The following DAPK1 variants were observed in gnomAD, a reference collection of about 807,000 sequenced individuals.
DAPK1 encodes the protein death associated protein kinase 1.
Under a neutral mutation model 144.9 loss-of-function variants are expected in DAPK1, and 56 were observed. The ratio of observed to expected loss-of-function variants is 0.39; its 90% CI spans 0.31 to 0.48. The LOEUF (loss-of-function observed/expected upper bound fraction) is 0.48. Ranked by LOEUF, DAPK1 falls within the 20% of genes least tolerant of loss-of-function variation. DAPK1 has a pLI of 0.95. For synonymous variants in DAPK1, 690 were observed against 749.0 expected (o/e 0.92, Z 1.29); for missense variants, 1,454 against 1,875.4 (o/e 0.78, Z 4.15).
chr9:87,574,389 C>G (rs1430378614), intron 2 of DAPK1, among the ~76,000 whole-genome samples: 5 of 152,196 alleles, frequency 3.3e-5, no homozygotes, highest in Non-Finnish European at 5.9e-5. Flanking sequence ...TAAGGTCATT[C>G]AAACCTAGGT....
At chr9:87,564,393 A>G (rs1047181341) in intron 2 of DAPK1, among the ~76,000 whole-genome samples, 1 of 152,220 alleles carries the variant, frequency 6.6e-6, no homozygotes, top group Non-Finnish European at 1.5e-5. Context: ...TAACTGGGAA[A>G]TGAGGGTTTC....
chr9:87,582,222 C>A (rs909501244), intron 2 of DAPK1, among the ~76,000 whole-genome samples: 1 of 151,936 alleles, frequency 6.6e-6, no homozygotes, highest in African/African-American at 2.4e-5. Flanking sequence ...ATTTTGGCTT[C>A]TTTTCTGATT....
chr9:87,698,754 T>C lies in DAPK1; in HGVS notation c.2710T>C (p.Tyr904His). 6.2e-7 allele frequency: 1 copy of C among 1,607,418 alleles called. No homozygotes were observed. The highest frequency in any genetic ancestry group is 8.5e-7 in the Non-Finnish European group (1 of 1,173,884). Residue 904 changes from tyrosine to histidine, a missense_variant, in exon 23 of 26, where the codon TAT (tyrosine) becomes CAT (histidine). Coordinates refer to ENST00000408954, the MANE Select transcript of DAPK1 (RefSeq NM_004938.4). ...TCGACCGGCTGGAGGCGAGTTTGGA[T>C]ATGACAAAGACACATCGTTGCTGAA... ...VPRPAGGEFGYDKDTSLLKEI... is the reference protein window; with the variant it reads ...VPRPAGGEFGHDKDTSLLKEI...
intron 2 of DAPK1, among the ~76,000 whole-genome samples, chr9:87,526,183 T>C (rs1825501445): frequency 6.6e-6 from 1 of 152,086 alleles, no homozygotes; most frequent in South Asian, 2.1e-4. Flanking sequence ...AAGGTATAGT[T>C]TGTGTTCAGT....
intron 2 of DAPK1, among the ~76,000 whole-genome samples, chr9:87,575,103 C>G (rs2118776746): frequency 6.6e-6 from 1 of 151,724 alleles, no homozygotes; most frequent in East Asian, 1.9e-4. Context: ...ATCTGTAGTC[C>G]TAGCTACTCG....
At chr9:87,612,961 G>A (rs1828978348) in intron 3 of DAPK1, among the ~76,000 whole-genome samples, 1 of 152,174 alleles carries the variant, frequency 6.6e-6, no homozygotes, top group Non-Finnish European at 1.5e-5. Context: ...GTATTGGCAT[G>A]GTGGATTGTT....
At chr9:87,695,836 T>C (rs527893062) in intron 21 of DAPK1, among the ~76,000 whole-genome samples, 7 of 152,318 alleles carry the variant, frequency 4.6e-5, no homozygotes, top group East Asian at 1.9e-4. Flanking sequence ...CGTTCCAAAA[T>C]TCATGTATAT....
chr9:87,582,376 T>A (rs1827781131), intron 2 of DAPK1, among the ~76,000 whole-genome samples: 1 of 152,162 alleles, frequency 6.6e-6, no homozygotes, highest in Non-Finnish European at 1.5e-5. Flanking sequence ...AGCTTAGTAA[T>A]GGTTGACATT....
chr9:87,629,420 A>T (rs1327156575), intron 3 of DAPK1, among the ~76,000 whole-genome samples: 5 of 152,234 alleles, frequency 3.3e-5, no homozygotes, highest in Non-Finnish European at 1.5e-5. Context: ...TGGACTTGTA[A>T]CCTGAAATTT....
chr9:87,630,183 T>C (rs1301177026), intron 3 of DAPK1, among the ~76,000 whole-genome samples: 1 of 152,212 alleles, frequency 6.6e-6, no homozygotes, highest in East Asian at 1.9e-4. Context: ...ATTGTCATGA[T>C]TAAAGCCTAA....
chr9:87,633,265 A>G (rs1175803087), intron 3 of DAPK1: 5 of 984,226 alleles, frequency 5.1e-6, no homozygotes, highest in Non-Finnish European at 6.0e-6. Context: ...AAATGAAGGA[A>G]ATGTAGGGAT....
intron 3 of DAPK1, among the ~76,000 whole-genome samples, chr9:87,618,476 A>C (rs1481100376): frequency 6.6e-6 from 1 of 152,254 alleles, no homozygotes; most frequent in Non-Finnish European, 1.5e-5. Context: ...GAAAACTTAC[A>C]CATGAAAGTG....
Position 87,541,669 on chromosome 9 carries a change from T to A in DAPK1, c.62+42530T>A, listed in dbSNP as rs1408945034. ...ACACTCTAGTCAACCAATGGAGAAATGCAGAGGAGGAAATGTGAGACTTAT... is the reference window on the plus strand; with the variant it reads ...ACACTCTAGTCAACCAATGGAGAAAAGCAGAGGAGGAAATGTGAGACTTAT... On this transcript the variant is annotated intron_variant, in intron 2 of 25. Transcript: ENST00000408954. Among the ~76,000 whole-genome samples, 3 of 151,894 alleles carry A rather than the reference T, an allele frequency of 2.0e-5. No homozygotes were observed. The East Asian group carries it at 5.8e-4, about 29-fold the overall frequency.
intron 2 of DAPK1, among the ~76,000 whole-genome samples, chr9:87,508,990 T>G (rs563661894): frequency 6.6e-6 from 1 of 152,354 alleles, no homozygotes; most frequent in South Asian, 2.1e-4. Flanking sequence ...CGAAATTGTT[T>G]TGCCTCCTCT....
intron 3 of DAPK1, among the ~76,000 whole-genome samples, chr9:87,635,189 A>G (rs545785655): frequency 1.3e-5 from 2 of 152,046 alleles, no homozygotes; most frequent in African/African-American, 4.8e-5. Flanking sequence ...AGCTGGCCAG[A>G]GAAGAGCGGG....
chr9:87,546,002 T>C (rs905405603), intron 2 of DAPK1, among the ~76,000 whole-genome samples: 1 of 152,148 alleles, frequency 6.6e-6, no homozygotes, highest in Non-Finnish European at 1.5e-5. Context: ...GTTTTTGCAG[T>C]ACAGATTCTC....
intron 2 of DAPK1, among the ~76,000 whole-genome samples, chr9:87,521,617 C>T (rs933188685): frequency 4.6e-5 from 7 of 152,180 alleles, no homozygotes; most frequent in African/African-American, 1.7e-4. Context: ...CACTGTGGTA[C>T]AAAGAAGAGG....
intron 3 of DAPK1, among the ~76,000 whole-genome samples, chr9:87,622,593 T>G (rs1829338440): frequency 6.6e-6 from 1 of 152,168 alleles, no homozygotes; most frequent in Non-Finnish European, 1.5e-5. Context: ...CCTCCTTATA[T>G]TCCACATAAT....
chr9:87,696,995 C>A lies in DAPK1; in HGVS notation c.2414-12C>A. The stretch of plus-strand genomic sequence containing the variant: ...GTGTTTCACGATTGTTATCATTTTT[C>A]TTTTTCTGTAGGAGTTGGCGATTTC... On this transcript the variant is annotated splice_polypyrimidine_tract_variant and intron_variant, in intron 21 of 25. Coordinates refer to ENST00000408954, the MANE Select transcript of DAPK1 (RefSeq NM_004938.4). The A allele has an allele frequency of 1.3e-5, 18 of 1,407,100 alleles. No individual in the cohort carries two copies. Among genetic ancestry groups the A allele is most frequent in the Non-Finnish European group, 1.8e-5 (18 of 991,130 alleles). The allele number at this position is 1,407,100 out of a possible 1,614,324, so 87.2% of individuals were successfully genotyped here. A position where few individuals can be genotyped will look rare whatever the true frequency, so the allele number is the denominator to read the frequency against.
Sources: gnomAD v4.1 joint callset for allele counts (sites outside exome capture counted in the v4.1 genomes callset) on GRCh38, gnomAD v4.1.1 for gene constraint, MANE v1.5 for transcripts, NCBI Gene and HGNC (gene_info 2026-07-23, HGNC 2026-07-21) for gene names.